Variants in FBXL3 observed in about 807,000 individuals in gnomAD.
FBXL3 encodes F-box and leucine rich repeat protein 3, also known as F-box/LRR-repeat protein 3.
A neutral mutation model predicts 37.9 loss-of-function variants in FBXL3; 14 were observed. The observed-to-expected ratio is 0.37, with a 90% CI of 0.24 to 0.58. FBXL3 has a LOEUF of 0.58. FBXL3 is among the 20% of genes least tolerant of loss of function. The probability of loss-of-function intolerance (pLI) is 0.74; values close to 1 mark genes in which losing one functional copy is unlikely to be tolerated. For missense variants in FBXL3, 327 were observed against 511.1 expected (o/e 0.64, Z 3.47); for synonymous variants, 194 against 180.1 (o/e 1.08, Z -0.62).
chr13:77,010,781 G>C (rs1364807913), intron 4 of FBXL3: 1 of 152,284 alleles, frequency 6.6e-6, no homozygotes, highest in African/African-American at 2.4e-5. Context: ...CTCCAGGTAA[G>C]AGCCCAGCCT....
chr13:77,017,907 G>T (rs1254002685), intron 3 of FBXL3: 1 of 151,556 alleles, frequency 6.6e-6, no homozygotes, highest in Non-Finnish European at 1.5e-5. Context: ...AGTGTCTTCT[G>T]GGAAAAAAAT....
chr13:77,018,546 T>C, intron 3 of FBXL3, 54 bp downstream of exon 3: 4 of 1,433,460 alleles, frequency 2.8e-6, no homozygotes, highest in Non-Finnish European at 3.7e-6. Context: ...AAAAAAAGAT[T>C]AGACTTTCAC....
Position 77,011,265 on chromosome 13 carries a change from G to A in FBXL3, c.644-3477C>T, listed in dbSNP as rs554887827. ...TGAGGCAGGAGAATCACCTGAACCC[G>A]GGAGGCGGAGGTTGCAGTGAGCCGA... On this transcript the variant is annotated intron_variant, in intron 4 of 4. Transcript: ENST00000355619. Among the ~76,000 whole-genome samples, 7 of 151,438 alleles carry A rather than the reference G, an allele frequency of 4.6e-5. No homozygotes were observed. The East Asian group carries it at 1.2e-3, about 25-fold the overall frequency.
At position 77,015,424 on chromosome 13, in the gene FBXL3, G is replaced by A; in HGVS notation, c.628C>T (p.His210Tyr). 1 of 1,581,306 alleles carries A rather than the reference G, an allele frequency of 6.3e-7. No individual in the cohort carries two copies. Among genetic ancestry groups the A allele is most frequent in the Non-Finnish European group, 8.6e-7 (1 of 1,166,118 alleles). ...CACAACATACCTGCTGGAGAGACAT[G>A]AGGACAGCTGCTCATTTTCAACAGC... ...LKLLKMSSCP[H>Y]VSPAGILCVA... is the part of the protein sequence containing the mutation. Residue 210 changes from histidine (H) to tyrosine (Y), a missense_variant, in exon 4 of 5, where the codon CAT becomes TAT. Transcript: ENST00000355619.
rs2034463874 is a variant in FBXL3 at position 77,007,037 on chromosome 13, T to C, written c.*108A>G. The C allele has an allele frequency of 3.4e-6, 5 of 1,457,898 alleles. No individual in the cohort carries two copies. Among genetic ancestry groups the C allele is most frequent in the South Asian group, 1.5e-5 (1 of 68,062 alleles). The allele number at this position is 1,457,898 out of a possible 1,614,324, so 90.3% of individuals were successfully genotyped here. On this transcript the variant is annotated 3_prime_UTR_variant, in exon 5 of 5. Transcript: ENST00000355619. ...TCTTTACATATACTGACTGAAGATATCAAATTTCTGTGCCACAAAATAGTA... is the reference window on the plus strand; with the variant it reads ...TCTTTACATATACTGACTGAAGATACCAAATTTCTGTGCCACAAAATAGTA...
intron 4 of FBXL3, chr13:77,008,615 T>C (rs140170751): frequency 0.01 from 1,591 of 152,626 alleles, 22 homozygotes; most frequent in Middle Eastern, 0.02. Context: ...TGCAGTGGTG[T>C]GATCTCAGCT....
chr13:77,012,947 G>C (rs1012014420), intron 4 of FBXL3: 2 of 152,192 alleles, frequency 1.3e-5, no homozygotes, highest in African/African-American at 2.4e-5. Context: ...GCTAATTTTT[G>C]TATTTTTAGT....
At chr13:77,026,493 C>T (rs1033106083) in intron 1 of FBXL3, 1 of 508,270 alleles carries the variant, frequency 2.0e-6, no homozygotes, top group African/African-American at 2.1e-5. Context: ...TGCCTGTCAC[C>T]AGCCCCCGCC....
intron 1 of FBXL3, among the ~76,000 whole-genome samples, chr13:77,026,571 G>A (rs1566234530): frequency 6.6e-6 from 1 of 152,104 alleles, no homozygotes; most frequent in Non-Finnish European, 1.5e-5. Context: ...CAGGCTGCAG[G>A]CGGCCGCCGC....
At chr13:77,018,838 T>C (rs2034691075) in intron 2 of FBXL3, 116 bp from the exon 3 acceptor site, 4 of 815,896 alleles carry the variant, frequency 4.9e-6, no homozygotes, top group Non-Finnish European at 3.4e-6. Context: ...TGTACACATA[T>C]TCATTTTATA....
chr13:77,016,278 G>C (rs902266473), intron 3 of FBXL3: 1 of 152,052 alleles, frequency 6.6e-6, no homozygotes, highest in Non-Finnish European at 1.5e-5. Context: ...ATATCTGTTG[G>C]ACAGGATTTG....
Position 77,021,589 on chromosome 13 carries a change from A to C in FBXL3, c.272T>G (p.Leu91Trp). The change falls in exon 2 of 5, where the codon TTG (leucine) becomes TGG (tryptophan). Residue 91 changes from leucine (L) to tryptophan (W), a missense_variant. Leu to Trp is a moderately conservative substitution (Grantham distance 61, BLOSUM62 -2). Coordinates refer to ENST00000355619, the MANE Select transcript of FBXL3 (RefSeq NM_012158.4). ...FELNQPATSY[L>W]KATHPELIKQ... ...GATCAGCTCTGGATGGGTAGCTTTC[A>C]AATAAGATGTAGCTGGCTGATTCAG... 6.2e-7 allele frequency: 1 copy of C among 1,614,200 alleles called. No individual in the cohort carries two copies. The highest frequency in any genetic ancestry group is 8.5e-7 in the Non-Finnish European group (1 of 1,180,036).
intron 3 of FBXL3, chr13:77,016,554 T>TTG (rs2034646223): frequency 6.6e-6 from 1 of 152,060 alleles, no homozygotes; most frequent in South Asian, 2.1e-4. Context: ...TTTTTTTTTT[T>TTG]GAGACAGAGT....
chr13:77,026,953 C>A lies in FBXL3; in HGVS notation c.-128G>T, dbSNP rs1232671617. 6.6e-6 allele frequency: 1 copy of A among 151,792 alleles called. No homozygotes were observed. The highest frequency in any genetic ancestry group is 1.5e-5 in the Non-Finnish European group (1 of 67,954). 9.4% of individuals were successfully genotyped at this position (151,792 alleles called of 1,614,324 possible). A position where few individuals can be genotyped will look rare whatever the true frequency, so the allele number is the denominator to read the frequency against. On this transcript the variant is annotated 5_prime_UTR_variant, in exon 1 of 5. Transcript: ENST00000355619. ...CTTCGCGCTCCCGCAGCCGCGGCCC[C>A]CCGCGCTCCGCCCGCATCCGAGGCG...
intron 1 of FBXL3, among the ~76,000 whole-genome samples, chr13:77,025,963 T>C (rs544649449): frequency 6.6e-6 from 1 of 152,218 alleles, no homozygotes; most frequent in South Asian, 2.1e-4. Context: ...ACTAAATGCT[T>C]AGAGAGCGCA....
At chr13:77,022,861 G>C (rs1050655219) in intron 1 of FBXL3, among the ~76,000 whole-genome samples, 3 of 152,158 alleles carry the variant, frequency 2.0e-5, no homozygotes, top group Non-Finnish European at 4.4e-5. Flanking sequence ...CAAGCTCCTT[G>C]GGTTTGAATT....
At chr13:77,015,121 A>G (rs9573978) in intron 4 of FBXL3, 11,110 of 199,716 alleles carry the variant, frequency 0.056, 530 homozygotes, top group East Asian at 0.21. Flanking sequence ...TAATTAATGG[A>G]GCACCTCAGG....
intron 3 of FBXL3, chr13:77,016,216 T>C (rs1397513744): frequency 6.6e-6 from 1 of 152,230 alleles, no homozygotes; most frequent in African/African-American, 2.4e-5. Flanking sequence ...TATGTATATA[T>C]TTGTATGTAT....
intron 1 of FBXL3, 91 bp downstream of exon 1, chr13:77,026,736 C>A (rs1249959646): frequency 6.9e-6 from 1 of 144,054 alleles, no homozygotes; most frequent in African/African-American, 2.5e-5. Context: ...CCCCCCCACC[C>A]CACCCCACCC....
Sources: allele counts gnomAD v4.1 joint callset (sites outside exome capture counted in the v4.1 genomes callset), GRCh38; gene constraint gnomAD v4.1.1; transcripts MANE v1.5; gene names NCBI Gene and HGNC (gene_info 2026-07-23, HGNC 2026-07-21).